Variants in UPF3B observed in about 807,000 individuals in gnomAD.
UPF3B encodes UPF3B regulator of nonsense mediated mRNA decay, also known as regulator of nonsense transcripts 3B.
Under a neutral mutation model 40.3 loss-of-function variants are expected in UPF3B, and 7 were observed. The ratio of observed to expected loss-of-function variants is 0.17; its 90% CI spans 0.10 to 0.33. The LOEUF (loss-of-function observed/expected upper bound fraction) is 0.33, where lower values mean the gene tolerates loss of function less well. Ranked by LOEUF, UPF3B falls within the 10% of genes least tolerant of loss-of-function variation. The pLI, the probability that UPF3B is intolerant of heterozygous loss-of-function variation, is 1.00. For synonymous variants in UPF3B, 117 were observed against 117.3 expected (o/e 1.00, Z 0.01); for missense variants, 229 against 358.9 (o/e 0.64, Z 2.93).
chrX:119,828,783 C>T lies in UPF3B; in HGVS notation c.392+2869G>A, dbSNP rs746228400. Among the ~76,000 whole-genome samples, 19 of 110,803 alleles carry T rather than the reference C, an allele frequency of 1.7e-4. 1 individual carries two copies. Among genetic ancestry groups the T allele is most frequent in the African/African-American group, 5.9e-4 (18 of 30,563 alleles). ...TCACCTGGGCTAGAGTGCAGTGGTG[C>T]CATCTCGGCTCACTGCAACCTCTGC... is the stretch of plus-strand genomic sequence containing the variant. On this transcript the variant is annotated intron_variant, in intron 3 of 6. Coordinates refer to the UPF3B transcript ENST00000636792.
chrX:119,838,472 G>C lies in UPF3B; in HGVS notation c.902C>G (p.Ala301Gly). ...GAGATTCTCTTTGTCCAATTTCTTGGCTTTTTCTCTTTTGTCCAATTCTTT... is the reference window on the plus strand; with the variant it reads ...GAGATTCTCTTTGTCCAATTTCTTGCCTTTTTCTCTTTTGTCCAATTCTTT... ...DEKELDKREK[A>G]KKLDKENLSD... Residue 301 changes from alanine (A) to glycine (G), a missense_variant, in exon 9 of 11, where the codon GCC becomes GGC. Around this residue, in one of 3 missense-constraint regions of UPF3B, gnomAD observed 119 missense variants for 153.8 expected, o/e 0.77. Transcript: ENST00000276201. The C allele has an allele frequency of 1.1e-5, 13 of 1,211,104 alleles. No individual in the cohort carries two copies. Among genetic ancestry groups the C allele is most frequent in the Non-Finnish European group, 1.5e-5 (13 of 895,108 alleles).
chrX:119,828,742 C>CA (rs1205269078), intron 3 of UPF3B, among the ~76,000 whole-genome samples: 1 of 108,955 alleles, frequency 9.2e-6, no homozygotes, highest in Non-Finnish European at 1.9e-5. Flanking sequence ...TTTTTTGAGA[C>CA]AGAGTTTTGC....
chrX:119,807,476 TG>T, exon 6 of UPF3B: 1 of 891,795 alleles, frequency 1.1e-6, no homozygotes, highest in East Asian at 7.8e-5. Flanking sequence ...ATCACTTTCC[TG>T]CTTTCTTTCT....
At chrX:119,843,367 ACAATAC>A in intron 4 of UPF3B, 66 bp from the exon 5 acceptor site, 1 of 781,250 alleles carries the variant, frequency 1.3e-6, no homozygotes, top group African/African-American at 2.0e-5. Context: ...GACATTATCT[ACAATAC>A]TGATTTATCA....
chrX:119,852,597 C>T (rs1218517248), intron 1 of UPF3B, among the ~76,000 whole-genome samples, 176 bp downstream of exon 1: 1 of 112,589 alleles, frequency 8.9e-6, no homozygotes, highest in Non-Finnish European at 1.9e-5. Context: ...AGGATTTGGC[C>T]GGGAGGGGCT....
rs34350340 is a variant in UPF3B at position 119,837,615 on chromosome X, C to CA, written c.1302+141dup. 26,752 of 373,951 alleles carry CA rather than the reference C, an allele frequency of 0.072. 360 individuals are homozygous for CA. Among genetic ancestry groups the CA allele is most frequent in the African/African-American group, 0.2 (4,652 of 22,898 alleles). The allele number at this position is 373,951 out of a possible 1,213,427, so 30.8% of individuals were successfully genotyped here. Reference sequence around the variant, plus strand: ...TGGGCAACATAGTCAGACTCTGTCTCAAAAAAAAAAAAAAAAAAAAGTTGC... The same window carrying CA: ...TGGGCAACATAGTCAGACTCTGTCTCAAAAAAAAAAAAAAAAAAAAAGTTGC... On this transcript the variant is annotated intron_variant, in intron 10 of 10. Coordinates refer to ENST00000276201, the MANE Select transcript of UPF3B (RefSeq NM_080632.3).
At chrX:119,816,574 G>A (rs966866960) in intron 4 of UPF3B, among the ~76,000 whole-genome samples, 15 of 111,307 alleles carry the variant, frequency 1.3e-4, no homozygotes, top group African/African-American at 4.9e-4. Context: ...GGCCAGGCAA[G>A]TAGAACAGAA....
chrX:119,807,366 C>T, intron 6 of UPF3B: 2 of 861,006 alleles, frequency 2.3e-6, no homozygotes, highest in Non-Finnish European at 2.9e-6. Flanking sequence ...GAAGGCACTT[C>T]TGGATTGCTT....
At chrX:119,835,140 C>T in intron 10 of UPF3B, 113 bp from the exon 11 acceptor site, 1 of 911,839 alleles carries the variant, frequency 1.1e-6, no homozygotes, top group Non-Finnish European at 1.6e-6. Context: ...TCATTTAAGA[C>T]CAAAAATGTG....
At chrX:119,826,608 G>C (rs1201362478) in intron 3 of UPF3B, among the ~76,000 whole-genome samples, 3 of 112,608 alleles carry the variant, frequency 2.7e-5, no homozygotes, top group Non-Finnish European at 5.6e-5. Flanking sequence ...GCCAAAACCA[G>C]ATCAGCTGCA....
chrX:119,829,064 C>T, downstream of UPF3B, among the ~76,000 whole-genome samples: 1 of 109,311 alleles, frequency 9.1e-6, no homozygotes, highest in East Asian at 2.9e-4. Context: ...CTCTGTCTCC[C>T]AGGCTGGAGT....
intron 3 of UPF3B, among the ~76,000 whole-genome samples, chrX:119,823,492 C>A (rs2055943677): frequency 9.1e-6 from 1 of 110,100 alleles, no homozygotes; most frequent in African/African-American, 3.3e-5. Context: ...CCTACCTTGG[C>A]CTCCCAAATG....
intron 3 of UPF3B, among the ~76,000 whole-genome samples, chrX:119,849,977 G>A (rs1384806846): frequency 9.2e-6 from 1 of 108,281 alleles, no homozygotes; most frequent in Non-Finnish European, 1.9e-5. Flanking sequence ...ACACAATGAG[G>A]AAAGGATAGT....
At chrX:119,808,004 A>G (rs2055805764) in intron 5 of UPF3B, among the ~76,000 whole-genome samples, 1 of 111,491 alleles carries the variant, frequency 9.0e-6, no homozygotes, top group Non-Finnish European at 1.9e-5. Flanking sequence ...TATGTTATCC[A>G]GGCGGGTCTT....
chrX:119,818,179 C>T (rs1244166594), intron 4 of UPF3B, among the ~76,000 whole-genome samples: 2 of 111,395 alleles, frequency 1.8e-5, no homozygotes, highest in Non-Finnish European at 3.8e-5. Context: ...GCAGGAGAAT[C>T]GCTTGAACCC....
intron 3 of UPF3B, among the ~76,000 whole-genome samples, chrX:119,847,055 T>C (rs763785648): frequency 8.9e-6 from 1 of 112,008 alleles, no homozygotes; most frequent in African/African-American, 3.2e-5. Flanking sequence ...ATTAGGGAAA[T>C]GCAAATCAAA....
chrX:119,847,360 T>C (rs753867480), intron 3 of UPF3B, among the ~76,000 whole-genome samples: 1 of 110,372 alleles, frequency 9.1e-6, no homozygotes, highest in African/African-American at 3.3e-5. Context: ...GGCAGGAGAA[T>C]TGCTTGAACC....
At chrX:119,844,907 C>T (rs1320594733) in intron 4 of UPF3B, among the ~76,000 whole-genome samples, 4 of 112,001 alleles carry the variant, frequency 3.6e-5, no homozygotes, top group Non-Finnish European at 7.5e-5. Flanking sequence ...CTGGCCTTTC[C>T]ACTATCTTCT....
chrX:119,851,666 T>C lies in UPF3B; in HGVS notation c.264-65A>G, dbSNP rs5910686. The C allele has an allele frequency of 0.054, 52,181 of 972,444 alleles. 1,320 individuals carry two copies. Among genetic ancestry groups the C allele is most frequent in the East Asian group, 0.19 (6,023 of 31,209 alleles). 80.1% of individuals were successfully genotyped at this position (972,444 alleles called of 1,213,427 possible). ...TGTCTGGCCCAATTACAAGTATGCA[T>C]ATATTAAAGACAAGCTCAAAAATCA... On this transcript the variant is annotated intron_variant, in intron 2 of 10. Transcript: ENST00000276201.
Sources: gnomAD v4.1 joint callset for allele counts (sites outside exome capture counted in the v4.1 genomes callset) on GRCh38, gnomAD v4.1.1 for gene constraint, gnomAD v4.1.1 regional missense constraint, MANE v1.5 for transcripts, NCBI Gene and HGNC (gene_info 2026-07-23, HGNC 2026-07-21) for gene names.